The following BMPER variants were observed in gnomAD, a reference collection of about 807,000 sequenced individuals.
BMPER encodes BMP binding endothelial regulator, also known as BMP-binding endothelial regulator protein.
BMPER carries 45 observed loss-of-function variants against 87.3 expected under a neutral mutation model. The ratio of observed to expected loss-of-function variants is 0.52; its 90% CI spans 0.41 to 0.66. BMPER has a LOEUF of 0.66. BMPER is among the 30% of genes least tolerant of loss of function. The pLI, the probability that BMPER is intolerant of heterozygous loss-of-function variation, is 0.00. For missense variants in BMPER, 784 were observed against 867.5 expected, an observed-to-expected ratio of 0.90 and a Z score of 1.21; for synonymous variants, 326 against 316.2, an observed-to-expected ratio of 1.03 and a Z score of -0.33.
At chr7:34,026,199 G>A (rs1261491245) in intron 6 of BMPER, among the ~76,000 whole-genome samples, 1 of 152,020 alleles carries the variant, frequency 6.6e-6, no homozygotes, top group African/African-American at 2.4e-5. Flanking sequence ...CTGGAAGCTA[G>A]GTTTAGGTTG....
intron 6 of BMPER, among the ~76,000 whole-genome samples, chr7:34,043,477 A>G (rs1481975868): frequency 6.6e-6 from 1 of 152,194 alleles, no homozygotes; most frequent in Non-Finnish European, 1.5e-5. Flanking sequence ...TCACTGCAAG[A>G]GAGTCTGGGA....
At chr7:34,087,158 C>T (rs542350712) in intron 13 of BMPER, among the ~76,000 whole-genome samples, 40 of 152,268 alleles carry the variant, frequency 2.6e-4, no homozygotes, top group South Asian at 1.2e-3. Flanking sequence ...CACAAATCCC[C>T]GAACATGGCT....
intron 6 of BMPER, among the ~76,000 whole-genome samples, chr7:33,997,633 T>C (rs915629201): frequency 6.6e-6 from 1 of 152,226 alleles, no homozygotes; most frequent in African/African-American, 2.4e-5. Flanking sequence ...TTACCCAGTC[T>C]TGGGTATTTC....
intron 2 of BMPER, among the ~76,000 whole-genome samples, chr7:33,914,142 T>G (rs1374759079): frequency 1.3e-5 from 2 of 152,042 alleles, no homozygotes; most frequent in Admixed American, 1.3e-4. Flanking sequence ...TTTTTTTGTA[T>G]TTTTAGTAGA....
chr7:34,112,578 G>A (rs1041631117), intron 13 of BMPER, among the ~76,000 whole-genome samples: 1 of 149,324 alleles, frequency 6.7e-6, no homozygotes, highest in Non-Finnish European at 1.5e-5. Context: ...TCATTTTGAG[G>A]TATACGTGCA....
chr7:34,039,843 G>A (rs1477589189), intron 6 of BMPER, among the ~76,000 whole-genome samples: 1 of 152,116 alleles, frequency 6.6e-6, no homozygotes, highest in East Asian at 1.9e-4. Context: ...TGAAAGCTGA[G>A]TTCCCACACT....
intron 13 of BMPER, among the ~76,000 whole-genome samples, chr7:34,092,146 A>G (rs1789402810): frequency 6.6e-6 from 1 of 152,068 alleles, no homozygotes; most frequent in Admixed American, 6.5e-5. Flanking sequence ...AAGTGTGCAC[A>G]CTTCTCTGTC....
At chr7:33,952,646 A>T (rs1785053528) in intron 3 of BMPER, among the ~76,000 whole-genome samples, 1 of 152,234 alleles carries the variant, frequency 6.6e-6, no homozygotes, top group South Asian at 2.1e-4. Flanking sequence ...ATTGAGGAAG[A>T]TGCATGAGTG....
intron 5 of BMPER, 100 bp from the exon 6 acceptor site, chr7:33,974,602 G>A (rs1348419554): frequency 5.2e-6 from 6 of 1,161,478 alleles, no homozygotes; most frequent in African/African-American, 1.5e-5. Context: ...ACACTCAGCT[G>A]TGTGGAGGTG....
At chr7:34,034,456 C>T (rs1468227219) in intron 6 of BMPER, among the ~76,000 whole-genome samples, 1 of 152,016 alleles carries the variant, frequency 6.6e-6, no homozygotes, top group East Asian at 1.9e-4. Flanking sequence ...GCTGTTGTGC[C>T]CTCTGTTTGA....
chr7:34,102,564 T>C (rs540331062), intron 13 of BMPER, among the ~76,000 whole-genome samples: 1 of 152,230 alleles, frequency 6.6e-6, no homozygotes, highest in South Asian at 2.1e-4. Context: ...ACCACATACA[T>C]AGAGTGGAAG....
rs1554296295 is a variant in BMPER, at chr7:33,909,693, A to AAG, written c.219+2791_219+2792insGA. On this transcript the variant is annotated intron_variant, in intron 2 of 14. Coordinates refer to ENST00000649409, the MANE Select transcript of BMPER (RefSeq NM_001365308.1). ...TCATAACATGTACAAAAAAAAAAAA[A>AAG]AAAGAAAGAAAAAGCTAACGTCAAC... Among the ~76,000 whole-genome samples, 1,358 of 138,894 alleles carry AAG rather than the reference A, an allele frequency of 9.8e-3. 36 individuals carry two copies. Among genetic ancestry groups the AAG allele is most frequent in the East Asian group, 0.027 (132 of 4,806 alleles). 91.1% of individuals were successfully genotyped at this position (138,894 alleles called of 152,430 possible). A position where few individuals can be genotyped will look rare whatever the true frequency, so the allele number is the denominator to read the frequency against.
intron 3 of BMPER, among the ~76,000 whole-genome samples, chr7:33,961,177 T>C (rs1785262264): frequency 6.6e-6 from 1 of 152,100 alleles, no homozygotes; most frequent in Non-Finnish European, 1.5e-5. Context: ...TTCTCTGCAA[T>C]GGAGGGAGTA....
intron 10 of BMPER, among the ~76,000 whole-genome samples, chr7:34,061,172 AATAAG>A (rs1788427171): frequency 6.6e-6 from 1 of 152,218 alleles, no homozygotes; most frequent in Non-Finnish European, 1.5e-5. Context: ...TAAAATATCG[AATAAG>A]ATATTTGTTA....
chr7:34,005,835 C>T (rs1265447400), intron 6 of BMPER, among the ~76,000 whole-genome samples: 2 of 152,000 alleles, frequency 1.3e-5, no homozygotes, highest in East Asian at 1.9e-4. Flanking sequence ...TATTTTTGCA[C>T]TTATTTTATC....
At chr7:34,124,709 G>A (rs1215770320) in intron 13 of BMPER, among the ~76,000 whole-genome samples, 1 of 152,096 alleles carries the variant, frequency 6.6e-6, no homozygotes, top group Non-Finnish European at 1.5e-5. Flanking sequence ...TTAGTTAATA[G>A]TGGTAATGAA....
upstream of BMPER, chr7:33,905,478 C>T (rs1783784829): frequency 9.1e-7 from 1 of 1,096,898 alleles, no homozygotes; most frequent in Non-Finnish European, 1.3e-6. Flanking sequence ...CCCCAGCTCT[C>T]GGGCGCCCGC....
chr7:33,938,720 C>T (rs1300172223), intron 3 of BMPER, among the ~76,000 whole-genome samples: 1 of 152,140 alleles, frequency 6.6e-6, no homozygotes, highest in African/African-American at 2.4e-5. Flanking sequence ...ATCTCATCAC[C>T]TCATTTGTTA....
At chr7:34,137,702 A>G (rs769594345) in intron 13 of BMPER, among the ~76,000 whole-genome samples, 10 of 152,228 alleles carry the variant, frequency 6.6e-5, no homozygotes, top group Non-Finnish European at 1.2e-4. Context: ...AGTGGAAAAG[A>G]CCTGGAAGTA....
Sources: gnomAD v4.1 joint callset for allele counts (sites outside exome capture counted in the v4.1 genomes callset) on GRCh38, gnomAD v4.1.1 for gene constraint, MANE v1.5 for transcripts, NCBI Gene and HGNC (gene_info 2026-07-23, HGNC 2026-07-21) for gene names.